Variants in TMEM273 observed in about 807,000 individuals in gnomAD.
TMEM273 encodes chromosome 10 open reading frame 128.
A neutral mutation model predicts 17.9 loss-of-function variants in TMEM273; 19 were observed. That is an observed-to-expected ratio of 1.06 (90% confidence interval 0.74 to 1.55). The LOEUF (loss-of-function observed/expected upper bound fraction) is 1.55. TMEM273 is among the 40% of genes most tolerant of loss of function. The pLI is 0.00. For missense variants in TMEM273, 194 were observed against 155.6 expected (o/e 1.25, Z -1.31); for synonymous variants, 66 against 62.0 (o/e 1.07, Z -0.31).
intron 1 of TMEM273, among the ~76,000 whole-genome samples, chr10:49,173,726 G>T (rs985180876): frequency 1.3e-5 from 2 of 152,196 alleles, no homozygotes; most frequent in African/African-American, 4.8e-5. Context: ...TTCTCCTGGG[G>T]GATGCCGAGA....
At chr10:49,187,751 A>T (rs1469179094) in intron 1 of TMEM273, among the ~76,000 whole-genome samples, 1 of 152,138 alleles carries the variant, frequency 6.6e-6, no homozygotes, top group African/African-American at 2.4e-5. Context: ...TCTTTCAAGG[A>T]ATGCATTAAA....
At chr10:49,163,306 T>TGAGAGA (rs3080161) in intron 5 of TMEM273, among the ~76,000 whole-genome samples, 13 of 147,764 alleles carry the variant, frequency 8.8e-5, no homozygotes, top group African/African-American at 3.3e-4. Context: ...TGTGTGTGTG[T>TGAGAGA]GAGAGAGAGA....
chr10:49,165,446 G>T, intron 4 of TMEM273, 163 bp from the exon 5 acceptor site: 1 of 1,478,908 alleles, frequency 6.8e-7, no homozygotes. Context: ...CAAGTGACAG[G>T]GGCTGGAGGC....
chr10:49,173,201 C>A (rs1046245210), intron 1 of TMEM273, among the ~76,000 whole-genome samples: 1 of 152,270 alleles, frequency 6.6e-6, no homozygotes, highest in African/African-American at 2.4e-5. Flanking sequence ...GCCCGAAGCA[C>A]TTCTCCCTGG....
chr10:49,173,430 C>A (rs1471580320), intron 1 of TMEM273, among the ~76,000 whole-genome samples: 1 of 152,200 alleles, frequency 6.6e-6, no homozygotes, highest in Admixed American at 6.5e-5. Context: ...GCAAGCCATG[C>A]AACACACACG....
chr10:49,181,926 C>T (rs1847367766), intron 1 of TMEM273, among the ~76,000 whole-genome samples: 1 of 152,150 alleles, frequency 6.6e-6, no homozygotes. Flanking sequence ...AAAATATTTG[C>T]ACTCCACATA....
In TMEM273 at chr10:49,156,283, C is replaced by A. The variant is rs990179991; in HGVS notation, c.373-374G>T. On this transcript the variant is annotated intron_variant, in intron 6 of 6. Coordinates refer to ENST00000374153, the MANE Select transcript of TMEM273 (RefSeq NM_001288740.3). The stretch of plus-strand genomic sequence containing the variant: ...TGCTACGAGGAACAAGATAGATAGA[C>A]CTATGAGAATAGAACTGGAAAATAA... 9 of 1,324,208 alleles carry A rather than the reference C, an allele frequency of 6.8e-6. No homozygotes were observed. The Admixed American group carries it at 1.6e-4, about 23-fold the overall frequency. 82.0% of individuals were successfully genotyped at this position (1,324,208 alleles called of 1,614,324 possible). A position where few individuals can be genotyped will look rare whatever the true frequency, so the allele number is the denominator to read the frequency against.
At position 49,167,022 on chromosome 10, in the gene TMEM273, G is replaced by T. The variant is rs766216710; in HGVS notation, c.98-13C>A. Reference sequence around the variant, plus strand: ...GCGTACTTGAAATCTGAAACGCAGGGAGGAATTGAACACCCGGTTTCAGTC... The same window carrying T: ...GCGTACTTGAAATCTGAAACGCAGGTAGGAATTGAACACCCGGTTTCAGTC... On this transcript the variant is annotated splice_polypyrimidine_tract_variant and intron_variant, in intron 2 of 6. Coordinates refer to ENST00000374153, the MANE Select transcript of TMEM273 (RefSeq NM_001288740.3). 1 of 1,613,170 alleles carries T rather than the reference G, an allele frequency of 6.2e-7. No individual in the cohort carries two copies. Among genetic ancestry groups the T allele is most frequent in the African/African-American group, 1.3e-5 (1 of 74,926 alleles).
chr10:49,174,442 T>C (rs1846808745), intron 1 of TMEM273, among the ~76,000 whole-genome samples: 1 of 152,268 alleles, frequency 6.6e-6, no homozygotes, highest in Admixed American at 6.5e-5. Flanking sequence ...CGCTCGGCTC[T>C]TGCCGGAGTC....
At chr10:49,174,366 C>G (rs1407097402) in intron 1 of TMEM273, among the ~76,000 whole-genome samples, 1 of 152,240 alleles carries the variant, frequency 6.6e-6, no homozygotes, top group East Asian at 1.9e-4. Flanking sequence ...GTTCAGCCCT[C>G]TCTCTAGCAG....
chr10:49,166,053 G>A lies in TMEM273; in HGVS notation c.239-257C>T, dbSNP rs200624169. On this transcript the variant is annotated intron_variant, in intron 3 of 6. Coordinates refer to ENST00000374153, the MANE Select transcript of TMEM273 (RefSeq NM_001288740.3). ...CGGGCGATGCACACGCCAGCATCTC[G>A]GAAGCCTCCTCCTCTCCCGGCCCAG... Among the ~76,000 whole-genome samples the A allele has an allele frequency of 1.3e-3, 203 of 152,296 alleles. 1 individual carries two copies. Among genetic ancestry groups the A allele is most frequent in the Non-Finnish European group, 1.9e-3 (127 of 68,026 alleles).
chr10:49,181,403 G>A (rs539728099), intron 1 of TMEM273, among the ~76,000 whole-genome samples: 4 of 152,232 alleles, frequency 2.6e-5, no homozygotes, highest in South Asian at 4.1e-4. Context: ...AGAGAAATGC[G>A]AAAAATCTTT....
chr10:49,186,036 AAAGAAG>A (rs147648337), intron 1 of TMEM273, among the ~76,000 whole-genome samples: 1 of 89,116 alleles, frequency 1.1e-5, no homozygotes, highest in South Asian at 3.2e-4. Flanking sequence ...AGAAGAAGAA[AAAGAAG>A]AAGAAGAAGA....
At chr10:49,180,773 T>G (rs1024074477) in intron 1 of TMEM273, among the ~76,000 whole-genome samples, 2 of 152,114 alleles carry the variant, frequency 1.3e-5, no homozygotes. Flanking sequence ...TTCCTCAACT[T>G]CACAAAGAAT....
intron 1 of TMEM273, among the ~76,000 whole-genome samples, chr10:49,169,150 G>A (rs1340929296): frequency 6.6e-6 from 1 of 152,178 alleles, no homozygotes; most frequent in East Asian, 1.9e-4. Context: ...TCAAGCCCTA[G>A]GGCTGCATGG....
Position 49,161,111 on chromosome 10 carries a change from G to A in TMEM273, c.372+488C>T, listed in dbSNP as rs114215798. ...TTCATCCATAGGCTCATTCAATCAG[G>A]GGTCCGAGATCCTGTCCCCTTCTGT... On this transcript the variant is annotated intron_variant, in intron 6 of 6. Coordinates refer to ENST00000374153, the MANE Select transcript of TMEM273 (RefSeq NM_001288740.3). 633 of 158,454 alleles carry A rather than the reference G, an allele frequency of 4.0e-3. 4 individuals carry two copies. The highest frequency in any genetic ancestry group is 0.014 in the African/African-American group (579 of 41,618). The allele number at this position is 158,454 out of a possible 1,614,324, so 9.8% of individuals were successfully genotyped here.
chr10:49,182,564 A>G (rs142559446), intron 1 of TMEM273, among the ~76,000 whole-genome samples: 284 of 152,366 alleles, frequency 1.9e-3, no homozygotes, highest in African/African-American at 6.3e-3. Flanking sequence ...ACAGAATTAA[A>G]ACTGAGATAG....
chr10:49,184,707 T>A (rs1847558609), intron 1 of TMEM273, among the ~76,000 whole-genome samples: 1 of 152,144 alleles, frequency 6.6e-6, no homozygotes, highest in South Asian at 2.1e-4. Context: ...TTTGGCAATA[T>A]CCAACAAAAG....
At chr10:49,161,656 A>C in intron 5 of TMEM273, 34 bp from the exon 6 acceptor site, 1 of 1,614,010 alleles carries the variant, frequency 6.2e-7, no homozygotes. Context: ...TTCATTGCCT[A>C]AGCCTTAGAA....
Sources: allele counts gnomAD v4.1 joint callset (sites outside exome capture counted in the v4.1 genomes callset), GRCh38; gene constraint gnomAD v4.1.1; transcripts MANE v1.5; gene names NCBI Gene and HGNC (gene_info 2026-07-23, HGNC 2026-07-21).